The following FOXJ3 variants were observed in gnomAD, a reference collection of about 807,000 sequenced individuals.
FOXJ3 encodes the protein forkhead box J3, also known as forkhead box protein J3.
Under a neutral mutation model 76.1 loss-of-function variants are expected in FOXJ3, and 22 were observed. The ratio of observed to expected loss-of-function variants is 0.29; its 90% CI spans 0.21 to 0.41. The LOEUF (loss-of-function observed/expected upper bound fraction) is 0.41, where lower values mean the gene tolerates loss of function less well. Ranked by LOEUF, FOXJ3 falls within the 10% of genes least tolerant of loss-of-function variation. FOXJ3 has a pLI of 1.00. For missense variants in FOXJ3, 613 were observed against 762.1 expected, an observed-to-expected ratio of 0.80 and a Z score of 2.30; for synonymous variants, 269 against 261.2, an observed-to-expected ratio of 1.03 and a Z score of -0.29.
chr1:42,229,404 C>T (rs1446833452), intron 4 of FOXJ3, among the ~76,000 whole-genome samples: 1 of 152,038 alleles, frequency 6.6e-6, no homozygotes, highest in African/African-American at 2.4e-5. Context: ...TAACATCTGT[C>T]GAAATGAGAA....
At chr1:42,282,803 G>A (rs1380746314) in intron 2 of FOXJ3, among the ~76,000 whole-genome samples, 1 of 152,108 alleles carries the variant, frequency 6.6e-6, no homozygotes, top group Non-Finnish European at 1.5e-5. Flanking sequence ...AGCTAAAGGA[G>A]CTATTATTCC....
intron 1 of FOXJ3, among the ~76,000 whole-genome samples, chr1:42,312,202 T>G (rs1654855147): frequency 6.6e-6 from 1 of 152,176 alleles, no homozygotes; most frequent in Non-Finnish European, 1.5e-5. Flanking sequence ...TCCAAAATTT[T>G]ACCTGCAATC....
At chr1:42,284,987 CTTT>C (rs1355191776) in intron 2 of FOXJ3, among the ~76,000 whole-genome samples, 2 of 152,118 alleles carry the variant, frequency 1.3e-5, no homozygotes, top group Non-Finnish European at 2.9e-5. Flanking sequence ...GTCACTAGAT[CTTT>C]TGTTTAATGT....
At chr1:42,201,816 T>G (rs576063089) in intron 6 of FOXJ3, among the ~76,000 whole-genome samples, 2 of 152,314 alleles carry the variant, frequency 1.3e-5, no homozygotes, top group Admixed American at 1.3e-4. Flanking sequence ...CACTAAATAT[T>G]TATAAGAATT....
intron 4 of FOXJ3, among the ~76,000 whole-genome samples, chr1:42,257,513 C>T (rs1018810720): frequency 1.4e-4 from 21 of 151,900 alleles, no homozygotes; most frequent in Admixed American, 5.2e-4. Context: ...GTCAGGAGTT[C>T]GAGACCAGCC....
At chr1:42,327,336 G>A (rs371866494) in intron 1 of FOXJ3, among the ~76,000 whole-genome samples, 26 of 152,238 alleles carry the variant, frequency 1.7e-4, no homozygotes, top group East Asian at 1.4e-3. Flanking sequence ...ACCTCCTGCC[G>A]TAACAGTCTG....
chr1:42,248,374 AAC>A (rs1312846786), intron 4 of FOXJ3, among the ~76,000 whole-genome samples: 1 of 152,010 alleles, frequency 6.6e-6, no homozygotes, highest in Non-Finnish European at 1.5e-5. Flanking sequence ...CTCTACTAAA[AAC>A]ACAAAAAATT....
chr1:42,280,438 T>TA (rs71065112), intron 2 of FOXJ3: 11,942 of 77,352 alleles, frequency 0.15, 2,929 homozygotes, highest in East Asian at 0.28. Flanking sequence ...TCAGAGATCT[T>TA]AAAAAAAAAA....
chr1:42,310,082 A>T (rs1278381714), intron 2 of FOXJ3, among the ~76,000 whole-genome samples: 1 of 152,210 alleles, frequency 6.6e-6, no homozygotes, highest in East Asian at 1.9e-4. Context: ...AGTCTTATTT[A>T]ATAATCTGCT....
chr1:42,181,666 T>C (rs1646321756), intron 12 of FOXJ3, among the ~76,000 whole-genome samples: 1 of 152,210 alleles, frequency 6.6e-6, no homozygotes, highest in Non-Finnish European at 1.5e-5. Context: ...TGTCCAGACA[T>C]TGTCCCCTAG....
At chr1:42,278,988 G>A (rs941556318) in intron 2 of FOXJ3, among the ~76,000 whole-genome samples, 1 of 152,142 alleles carries the variant, frequency 6.6e-6, no homozygotes, top group Admixed American at 6.5e-5. Flanking sequence ...GAGGGCAACA[G>A]GATCTTGGTA....
At chr1:42,257,740 A>AAT (rs1199608912) in intron 4 of FOXJ3, among the ~76,000 whole-genome samples, 1 of 151,256 alleles carries the variant, frequency 6.6e-6, no homozygotes, top group Non-Finnish European at 1.5e-5. Flanking sequence ...TCTGTCTCAA[A>AAT]AAAAAAAAAA....
intron 7 of FOXJ3, among the ~76,000 whole-genome samples, chr1:42,198,012 T>C (rs1646686228): frequency 6.6e-6 from 1 of 152,138 alleles, no homozygotes; most frequent in Admixed American, 6.6e-5. Flanking sequence ...CAATGTTTGG[T>C]TAAGTCTGTG....
At chr1:42,183,521 G>A (rs1646373276) in intron 11 of FOXJ3, among the ~76,000 whole-genome samples, 1 of 151,824 alleles carries the variant, frequency 6.6e-6, no homozygotes, top group African/African-American at 2.4e-5. Flanking sequence ...GAACAAACAT[G>A]ACCCCTCCTC....
intron 2 of FOXJ3, among the ~76,000 whole-genome samples, chr1:42,280,730 A>C (rs1351791528): frequency 6.6e-6 from 1 of 152,208 alleles, no homozygotes; most frequent in African/African-American, 2.4e-5. Context: ...TTTGCTAAAC[A>C]TACCTCATCT....
intron 1 of FOXJ3, among the ~76,000 whole-genome samples, chr1:42,318,035 C>G (rs1655224501): frequency 6.6e-6 from 1 of 152,000 alleles, no homozygotes; most frequent in South Asian, 2.1e-4. Context: ...ATGAATAAAC[C>G]AGATTCTTCA....
chr1:42,256,832 A>G (rs1056506501), intron 4 of FOXJ3, among the ~76,000 whole-genome samples: 1 of 152,246 alleles, frequency 6.6e-6, no homozygotes, highest in East Asian at 1.9e-4. Flanking sequence ...TTTGTCAACA[A>G]ATAAATGTAT....
Position 42,324,378 on chromosome 1 carries a change from T to C in FOXJ3, c.-18+10681A>G, listed in dbSNP as rs199836785. Among the ~76,000 whole-genome samples the C allele has an allele frequency of 3.4e-5, 5 of 147,318 alleles. 1 individual carries two copies. The highest frequency in any genetic ancestry group is 6.8e-5 in the Admixed American group (1 of 14,634). Reference sequence around the variant, plus strand: ...TAACATATATACTATATATACTATATATAACATATAAATACTATATATACT... The same window carrying C: ...TAACATATATACTATATATACTATACATAACATATAAATACTATATATACT... On this transcript the variant is annotated intron_variant, in intron 1 of 12. Coordinates refer to ENST00000361346, the MANE Select transcript of FOXJ3 (RefSeq NM_014947.5).
chr1:42,260,773 T>C (rs1423427554), intron 4 of FOXJ3, among the ~76,000 whole-genome samples: 1 of 152,212 alleles, frequency 6.6e-6, no homozygotes, highest in Non-Finnish European at 1.5e-5. Flanking sequence ...ACCCAATCTC[T>C]ATGGTCACTG....
Sources: gnomAD v4.1 joint callset for allele counts (sites outside exome capture counted in the v4.1 genomes callset) on GRCh38, gnomAD v4.1.1 for gene constraint, MANE v1.5 for transcripts, NCBI Gene and HGNC (gene_info 2026-07-23, HGNC 2026-07-21) for gene names.